Variants in BUB3 observed in about 807,000 individuals in gnomAD.
BUB3 encodes the protein mitotic checkpoint protein BUB3.
BUB3 carries 22 observed loss-of-function variants against 39.9 expected under a neutral mutation model. The ratio of observed to expected loss-of-function variants is 0.55; its 90% CI spans 0.39 to 0.79. The LOEUF (loss-of-function observed/expected upper bound fraction) is 0.79, where lower values mean the gene tolerates loss of function less well. Among genes scored for constraint, BUB3 ranks in the 30% least tolerant of loss-of-function variants. The pLI, the probability that BUB3 is intolerant of heterozygous loss-of-function variation, is 0.00. For missense variants in BUB3, 303 were observed against 415.4 expected (o/e 0.73, Z 2.35); for synonymous variants, 168 against 155.1 (o/e 1.08, Z -0.62).
chr10:123,157,698 G>C, intron 3 of BUB3, 31 bp from the exon 4 acceptor site: 1 of 1,544,500 alleles, frequency 6.5e-7, no homozygotes, highest in Non-Finnish European at 8.8e-7. Context: ...GCTAGATGTT[G>C]GGGTTTTTTC....
At chr10:123,160,727 T>C (rs954860698) in intron 5 of BUB3, among the ~76,000 whole-genome samples, 162 bp downstream of exon 5, 1 of 152,176 alleles carries the variant, frequency 6.6e-6, no homozygotes, top group East Asian at 1.9e-4. Flanking sequence ...GACAGCCATG[T>C]GTTAACAGGA....
Position 123,163,890 on chromosome 10 carries a change from C to A in BUB3, c.*55C>A. ...GATGATAATAAAACAATTCGTACTC[C>A]CCAATGGTGGATTTATTACTATTAA... On this transcript the variant is annotated 3_prime_UTR_variant, in exon 8 of 8. Coordinates refer to ENST00000368865, the MANE Select transcript of BUB3 (RefSeq NM_004725.4). 1 of 1,540,622 alleles carries A rather than the reference C, an allele frequency of 6.5e-7. No homozygotes were observed. The highest frequency in any genetic ancestry group is 8.8e-7 in the Non-Finnish European group (1 of 1,131,072).
Position 123,165,331 on chromosome 10 carries a change from T to G in BUB3, c.*1496T>G. 1 of 344,638 alleles carries G rather than the reference T, an allele frequency of 2.9e-6. No individual in the cohort carries two copies. The highest frequency in any genetic ancestry group is 5.2e-6 in the Non-Finnish European group (1 of 191,504). 21.3% of individuals were successfully genotyped at this position (344,638 alleles called of 1,614,324 possible). ...TTGTAATATACTCTAAACCTGTTAT[T>G]TCTGTGCTAATAAACGAGATGCAGA... On this transcript the variant is annotated 3_prime_UTR_variant, in exon 8 of 8. Coordinates refer to ENST00000368865, the MANE Select transcript of BUB3 (RefSeq NM_004725.4).
chr10:123,154,522 C>A (rs539395930), intron 1 of BUB3, 37 bp downstream of exon 1: 1 of 167,186 alleles, frequency 6.0e-6, no homozygotes, highest in African/African-American at 2.4e-5. Flanking sequence ...GGAGCGGGCT[C>A]TCCAGGGACT....
rs746083213 is a variant in BUB3 at position 123,162,370 on chromosome 10, C to T, written c.711C>T (p.Val237=). 6.2e-7 allele frequency: 1 copy of T among 1,614,096 alleles called. No individual in the cohort carries two copies. The highest frequency in any genetic ancestry group is 8.5e-7 in the Non-Finnish European group (1 of 1,180,006). The change falls in exon 6 of 8, where the codon GTC becomes GTT. Residue 237 remains valine, a synonymous_variant. Coordinates refer to ENST00000368865, the MANE Select transcript of BUB3 (RefSeq NM_004725.4). Reference sequence around the variant, plus strand: ...ATAATATTGAGCAGATTTACCCAGTCAATGCCATTTCTTTTCACAATATCC... The same window carrying T: ...ATAATATTGAGCAGATTTACCCAGTTAATGCCATTTCTTTTCACAATATCC... ...KENNIEQIYP[V]NAISFHNIHN...
In BUB3 at chr10:123,167,168, C is replaced by G. The variant is rs1014101489; in HGVS notation, c.*3333C>G. On this transcript the variant is annotated 3_prime_UTR_variant, in exon 8 of 8. Transcript: ENST00000368865. The stretch of plus-strand genomic sequence containing the variant: ...ATCATTTTACCTTTTACCACTCCCC[C>G]AGAAAACACTGGGGTTCTTCTCTTA... 6.6e-6 allele frequency: 1 copy of G among 152,200 alleles called. No homozygotes were observed. The highest frequency in any genetic ancestry group is 1.5e-5 in the Non-Finnish European group (1 of 68,030). 9.4% of individuals were successfully genotyped at this position (152,200 alleles called of 1,614,324 possible).
intron 4 of BUB3, 110 bp from the exon 5 acceptor site, chr10:123,160,297 C>A: frequency 1.0e-6 from 1 of 970,332 alleles, no homozygotes; most frequent in Non-Finnish European, 1.5e-6. Flanking sequence ...TTGGGGAATT[C>A]AGTCAGCTAA....
At position 123,164,017 on chromosome 10, in the gene BUB3, A is replaced by G. The variant is rs934721390; in HGVS notation, c.*182A>G. The G allele has an allele frequency of 8.4e-6, 11 of 1,302,496 alleles. No individual in the cohort carries two copies. The highest frequency in any genetic ancestry group is 1.5e-5 in the African/African-American group (1 of 64,892). 80.7% of individuals were successfully genotyped at this position (1,302,496 alleles called of 1,614,324 possible). On this transcript the variant is annotated 3_prime_UTR_variant, in exon 8 of 8. Coordinates refer to ENST00000368865, the MANE Select transcript of BUB3 (RefSeq NM_004725.4). ...TTTAAATAAACACCTTCTTAAGTGC[A>G]TGAGATGGTTTGATGGTTTGCTGCA... is the stretch of plus-strand genomic sequence containing the variant.
At chr10:123,157,702 T>G in intron 3 of BUB3, 27 bp from the exon 4 acceptor site, 1 of 1,546,578 alleles carries the variant, frequency 6.5e-7, no homozygotes, top group Non-Finnish European at 8.7e-7. Context: ...GATGTTGGGG[T>G]TTTTTCCCCT....
At chr10:123,163,021 G>A in intron 7 of BUB3, 193 bp downstream of exon 7, 5 of 577,124 alleles carry the variant, frequency 8.7e-6, no homozygotes, top group Non-Finnish European at 1.2e-5. Flanking sequence ...GGATAAAATT[G>A]TGCCTAGTTG....
intron 5 of BUB3, 105 bp from the exon 6 acceptor site, chr10:123,162,131 A>G: frequency 2.9e-6 from 3 of 1,029,958 alleles, no homozygotes; most frequent in Non-Finnish European, 4.3e-6. Context: ...TGTACTTCTC[A>G]TTTCTGAAAT....
chr10:123,166,876 G>C lies in BUB3; in HGVS notation c.*3041G>C, dbSNP rs527614940. 6.6e-6 allele frequency: 1 copy of C among 152,206 alleles called. No individual in the cohort carries two copies. Among genetic ancestry groups the C allele is most frequent in the Admixed American group, 6.5e-5 (1 of 15,284 alleles). 9.4% of individuals were successfully genotyped at this position (152,206 alleles called of 1,614,324 possible). A position where few individuals can be genotyped will look rare whatever the true frequency, so the allele number is the denominator to read the frequency against. ...TTGTTCTGTGGGAGATCCAGGCCTT[G>C]TTAGAAGGACCAAGGCCAGAATGCC... On this transcript the variant is annotated 3_prime_UTR_variant, in exon 8 of 8. Transcript: ENST00000368865.
chr10:123,162,255 T>A lies in BUB3; in HGVS notation c.596T>A (p.Ile199Asn). ...TGGCAGGGTTATGTATTAAGCTCTA[T>A]TGAAGGCCGAGTGGCAGTTGAGTAT... ...PNKQGYVLSS[I>N]EGRVAVEYLD... Residue 199 changes from isoleucine to asparagine, a missense_variant, in exon 6 of 8, where the codon ATT becomes AAT. Ile to Asn is a moderately radical substitution (Grantham distance 149, BLOSUM62 -3). Transcript: ENST00000368865. The A allele has an allele frequency of 6.2e-7, 1 of 1,614,072 alleles. No individual in the cohort carries two copies. The highest frequency in any genetic ancestry group is 1.3e-5 in the African/African-American group (1 of 75,036).
chr10:123,164,921 T>C lies in BUB3; in HGVS notation c.*1086T>C. Reference sequence around the variant, plus strand: ...GACTTGGACCTTTCCTGAGATTTATTTTATCCGTGATGTATTTTTTTTAAT... The same window carrying C: ...GACTTGGACCTTTCCTGAGATTTATCTTATCCGTGATGTATTTTTTTTAAT... On this transcript the variant is annotated 3_prime_UTR_variant, in exon 8 of 8. Coordinates refer to ENST00000368865, the MANE Select transcript of BUB3 (RefSeq NM_004725.4). 1 of 1,459,562 alleles carries C rather than the reference T, an allele frequency of 6.9e-7. No individual in the cohort carries two copies. The highest frequency in any genetic ancestry group is 9.0e-7 in the Non-Finnish European group (1 of 1,106,852). The allele number at this position is 1,459,562 out of a possible 1,614,324, so 90.4% of individuals were successfully genotyped here.
At position 123,166,308 on chromosome 10, in the gene BUB3, T is replaced by C. The variant is rs926824693; in HGVS notation, c.*2473T>C. 6.6e-6 allele frequency: 1 copy of C among 152,096 alleles called. No individual in the cohort carries two copies. Among genetic ancestry groups the C allele is most frequent in the South Asian group, 2.1e-4 (1 of 4,820 alleles). 9.4% of individuals were successfully genotyped at this position (152,096 alleles called of 1,614,324 possible). ...GCCTTAAGTCCTCCATCTAATAGAG[T>C]AGTGACTTTTGAACCTTGTAGTTGT... On this transcript the variant is annotated 3_prime_UTR_variant, in exon 8 of 8. Coordinates refer to ENST00000368865, the MANE Select transcript of BUB3 (RefSeq NM_004725.4).
intron 1 of BUB3, 143 bp from the exon 2 acceptor site, chr10:123,154,775 A>AGTGCTCGGCGCAGGCGC: frequency 1.2e-6 from 1 of 859,482 alleles, no homozygotes. Context: ...TTGGCGGGCG[A>AGTGCTCGGCGCAGGCGC]GTGCTCGGCG....
In BUB3 at chr10:123,163,043, A is replaced by G. The variant is rs1182628301; in HGVS notation, c.971+215A>G. ...ATTGTGCCTAGTTGTTTTGTAGAGA[A>G]GAATGTCAAACTCTTATTCTTCTTG... On this transcript the variant is annotated intron_variant, in intron 7 of 7. Coordinates refer to ENST00000368865, the MANE Select transcript of BUB3 (RefSeq NM_004725.4). 7.4e-6 allele frequency: 4 copies of G among 540,948 alleles called. No homozygotes were observed. In the Admixed American group the frequency reaches 1.2e-4, roughly 16 times the overall value. The allele number at this position is 540,948 out of a possible 1,614,324, so 33.5% of individuals were successfully genotyped here.
Position 123,157,894 on chromosome 10 carries a change from A to G in BUB3, c.417+14A>G, listed in dbSNP as rs771041322. 6 of 1,608,726 alleles carry G rather than the reference A, an allele frequency of 3.7e-6. No homozygotes were observed. Among genetic ancestry groups the G allele is most frequent in the Non-Finnish European group, 5.1e-6 (6 of 1,177,514 alleles). On this transcript the variant is annotated intron_variant, in intron 4 of 7. Coordinates refer to ENST00000368865, the MANE Select transcript of BUB3 (RefSeq NM_004725.4). ...CAGCCTGAAAAGGTAGGCTCTTTAT[A>G]TTCATTGCAGGAGTTGATGGTTTTG...
chr10:123,164,447 A>C lies in BUB3; in HGVS notation c.*612A>C. 2 of 985,704 alleles carry C rather than the reference A, an allele frequency of 2.0e-6. No individual in the cohort carries two copies. Among genetic ancestry groups the C allele is most frequent in the Non-Finnish European group, 2.4e-6 (2 of 830,112 alleles). The allele number at this position is 985,704 out of a possible 1,614,324, so 61.1% of individuals were successfully genotyped here. On this transcript the variant is annotated 3_prime_UTR_variant, in exon 8 of 8. Coordinates refer to ENST00000368865, the MANE Select transcript of BUB3 (RefSeq NM_004725.4). ...GGGTGCAGAAGGAAAACTAATAAGA[A>C]AACCTCCTAATATCATTTTGTGACT...
Sources: allele counts gnomAD v4.1 joint callset (sites outside exome capture counted in the v4.1 genomes callset), GRCh38; gene constraint gnomAD v4.1.1; transcripts MANE v1.5; gene names NCBI Gene and HGNC (gene_info 2026-07-23, HGNC 2026-07-21).